The following CDH13 variants were observed in gnomAD, a reference collection of about 807,000 sequenced individuals.
CDH13 encodes cadherin 13.
CDH13 carries 24 observed loss-of-function variants against 63.8 expected under a neutral mutation model. The observed-to-expected ratio is 0.38, with a 90% CI of 0.27 to 0.53. The LOEUF is 0.53. Ranked by LOEUF, CDH13 falls within the 20% of genes least tolerant of loss-of-function variation. CDH13 has a pLI of 0.85. For synonymous variants in CDH13, 503 were observed against 355.3 expected (o/e 1.42, Z -4.67); for missense variants, 1,049 against 903.1 (o/e 1.16, Z -2.07).
intron 2 of CDH13, among the ~76,000 whole-genome samples, chr16:83,020,361 C>G (rs1281394392): frequency 6.6e-6 from 1 of 152,080 alleles, no homozygotes; most frequent in African/African-American, 2.4e-5. Context: ...ATTAACATTC[C>G]TGGGAAACTC....
intron 6 of CDH13, chr16:83,397,274 A>C (rs1436830829): frequency 6.6e-6 from 1 of 151,962 alleles, no homozygotes; most frequent in Non-Finnish European, 1.5e-5. Flanking sequence ...AACCACCACC[A>C]CCATTATACT....
rs565461027 is a variant in CDH13 at position 83,197,459 on chromosome 16, C to T, written c.484-19886C>T. Among the ~76,000 whole-genome samples, 13 of 152,196 alleles carry T rather than the reference C, an allele frequency of 8.5e-5. No homozygotes were observed. The East Asian group carries it at 1.4e-3, about 16-fold the overall frequency. On this transcript the variant is annotated intron_variant, in intron 4 of 13. Transcript: ENST00000567109. ...TTATTATTGACTATGGTCACCTGTT[C>T]ACCCCGTTATGCTCTCAAATACTGG...
chr16:83,055,028 A>G (rs2030772844), intron 3 of CDH13, among the ~76,000 whole-genome samples: 1 of 152,118 alleles, frequency 6.6e-6, no homozygotes, highest in Admixed American at 6.5e-5. Context: ...GAAATTAATA[A>G]CAAAAAAACT....
intron 2 of CDH13, among the ~76,000 whole-genome samples, chr16:82,871,427 G>C (rs1313378663): frequency 6.6e-6 from 1 of 152,062 alleles, no homozygotes. Context: ...AGTGTTATTG[G>C]GGAGCACTTG....
At chr16:82,976,330 G>T (rs528150243) in intron 2 of CDH13, among the ~76,000 whole-genome samples, 1 of 152,166 alleles carries the variant, frequency 6.6e-6, no homozygotes, top group East Asian at 1.9e-4. Context: ...TTCTTGCTTG[G>T]TGTCCTATGC....
At chr16:82,712,650 G>A (rs925017572) in intron 1 of CDH13, among the ~76,000 whole-genome samples, 5 of 152,178 alleles carry the variant, frequency 3.3e-5, no homozygotes, top group Non-Finnish European at 7.3e-5. Context: ...CTACATAAAT[G>A]TTTAATTCCC....
intron 8 of CDH13, among the ~76,000 whole-genome samples, chr16:83,668,076 A>T (rs1456691534): frequency 6.6e-6 from 1 of 152,198 alleles, no homozygotes; most frequent in Non-Finnish European, 1.5e-5. Flanking sequence ...CACAGGGAAG[A>T]TCAGTCCATC....
intron 5 of CDH13, among the ~76,000 whole-genome samples, chr16:83,310,051 T>C (rs1390438221): frequency 6.6e-6 from 1 of 152,192 alleles, no homozygotes; most frequent in Non-Finnish European, 1.5e-5. Context: ...AATTAATAAT[T>C]CCGACATACT....
intron 5 of CDH13, among the ~76,000 whole-genome samples, chr16:83,335,430 G>A (rs2090572403): frequency 6.6e-6 from 1 of 152,130 alleles, no homozygotes; most frequent in East Asian, 1.9e-4. Context: ...TGAACTTACA[G>A]TCATGTTTAG....
chr16:83,261,101 C>G (rs1044893846), intron 5 of CDH13, among the ~76,000 whole-genome samples: 10 of 152,064 alleles, frequency 6.6e-5, no homozygotes, highest in Non-Finnish European at 1.5e-4. Flanking sequence ...ACTCCTCAGC[C>G]AAGGAGAACA....
chr16:83,090,236 C>T (rs1025729358), intron 3 of CDH13, among the ~76,000 whole-genome samples: 1 of 152,132 alleles, frequency 6.6e-6, no homozygotes, highest in African/African-American at 2.4e-5. Flanking sequence ...ACAGCATGTT[C>T]CCTGGTTCAG....
In CDH13 at chr16:82,926,548, C is replaced by A. The variant is rs561157519; in HGVS notation, c.157+68075C>A. Reference sequence around the variant, plus strand: ...TGCTCTGAAGCTCATTCTTGTTGAGCTTGATGGCATTTTAGGCTTGACTTT... The same window carrying A: ...TGCTCTGAAGCTCATTCTTGTTGAGATTGATGGCATTTTAGGCTTGACTTT... On this transcript the variant is annotated intron_variant, in intron 2 of 13. Transcript: ENST00000567109. 9.8e-5 allele frequency among the ~76,000 whole-genome samples: 15 copies of A among 152,308 alleles called. 1 individual carries two copies. The South Asian group carries it at 2.9e-3, about 29-fold the overall frequency.
intron 4 of CDH13, among the ~76,000 whole-genome samples, chr16:83,130,130 C>T (rs770774086): frequency 6.6e-6 from 1 of 152,166 alleles, no homozygotes; most frequent in Non-Finnish European, 1.5e-5. Context: ...ATTGATCTTG[C>T]GGGATTACAA....
intron 6 of CDH13, among the ~76,000 whole-genome samples, chr16:83,401,021 G>C (rs141650175): frequency 6.6e-6 from 1 of 152,120 alleles, no homozygotes; most frequent in African/African-American, 2.4e-5. Context: ...TGGCCAACGT[G>C]GTGAAACCCC....
chr16:82,929,143 A>G (rs1042729088), intron 2 of CDH13, among the ~76,000 whole-genome samples: 4 of 152,120 alleles, frequency 2.6e-5, no homozygotes, highest in African/African-American at 9.7e-5. Flanking sequence ...TTTGTTTTTA[A>G]TTGTTCACTA....
At chr16:83,108,880 C>T (rs143685091) in intron 3 of CDH13, among the ~76,000 whole-genome samples, 9 of 152,244 alleles carry the variant, frequency 5.9e-5, no homozygotes, top group South Asian at 2.1e-4. Context: ...CTTGCCCTTC[C>T]GAGTCACAGG....
At chr16:83,226,420 A>G (rs76097826) in intron 5 of CDH13, among the ~76,000 whole-genome samples, 8 of 152,188 alleles carry the variant, frequency 5.3e-5, no homozygotes, top group African/African-American at 1.7e-4. Context: ...AAGAGGTTCA[A>G]CTTGAATCTT....
At chr16:82,791,966 A>T (rs2151137955) in intron 1 of CDH13, among the ~76,000 whole-genome samples, 1 of 152,166 alleles carries the variant, frequency 6.6e-6, no homozygotes, top group Middle Eastern at 3.4e-3. Context: ...AAGAACAAAG[A>T]CCCGCCCGTA....
At chr16:83,592,232 C>T (rs996988052) in intron 7 of CDH13, among the ~76,000 whole-genome samples, 9 of 152,178 alleles carry the variant, frequency 5.9e-5, no homozygotes, top group African/African-American at 2.2e-4. Context: ...AAATAAGCTC[C>T]ATATAGCTTT....
Sources: gnomAD v4.1 joint callset for allele counts (sites outside exome capture counted in the v4.1 genomes callset) on GRCh38, gnomAD v4.1.1 for gene constraint, MANE v1.5 for transcripts, NCBI Gene and HGNC (gene_info 2026-07-23, HGNC 2026-07-21) for gene names.